Variants in KIF26B observed in about 807,000 individuals in gnomAD.
KIF26B encodes kinesin-like protein KIF26B.
A neutral mutation model predicts 151.2 loss-of-function variants in KIF26B; 63 were observed. The ratio of observed to expected loss-of-function variants is 0.42; its 90% CI spans 0.34 to 0.51. The LOEUF (loss-of-function observed/expected upper bound fraction) is 0.51, where lower values mean the gene tolerates loss of function less well. Among genes scored for constraint, KIF26B ranks in the 20% least tolerant of loss-of-function variants. The pLI is 0.07. For synonymous variants in KIF26B, 1,357 were observed against 1,262.1 expected (o/e 1.08, Z -1.59); for missense variants, 2,813 against 2,913.6 (o/e 0.97, Z 0.79).
intron 5 of KIF26B, among the ~76,000 whole-genome samples, chr1:245,557,314 C>A (rs1267721805): frequency 6.6e-6 from 1 of 152,198 alleles, no homozygotes; most frequent in Non-Finnish European, 1.5e-5. Context: ...TCATCCAGAT[C>A]TCTTTGCGGA....
intron 4 of KIF26B, among the ~76,000 whole-genome samples, chr1:245,504,600 C>T (rs1305889332): frequency 2.0e-5 from 3 of 152,120 alleles, no homozygotes; most frequent in South Asian, 4.2e-4. Context: ...CCACCACTCC[C>T]AGCTAGTTTT....
At chr1:245,691,068 G>C (rs1283072741) in intron 12 of KIF26B, among the ~76,000 whole-genome samples, 2 of 152,230 alleles carry the variant, frequency 1.3e-5, no homozygotes, top group East Asian at 3.8e-4. Flanking sequence ...GTGTGTTTCA[G>C]TGTCCCACAG....
At chr1:245,312,670 G>C (rs1432038478) in intron 2 of KIF26B, among the ~76,000 whole-genome samples, 1 of 152,164 alleles carries the variant, frequency 6.6e-6, no homozygotes, top group Non-Finnish European at 1.5e-5. Context: ...ATGGAAAAAA[G>C]TAGGTCTCAG....
At chr1:245,216,652 G>A (rs1051539338) in intron 2 of KIF26B, among the ~76,000 whole-genome samples, 4 of 152,110 alleles carry the variant, frequency 2.6e-5, no homozygotes, top group Non-Finnish European at 5.9e-5. Flanking sequence ...ATCATCTCTG[G>A]GTTTTAAATG....
chr1:245,659,473 T>C (rs527980013), intron 10 of KIF26B, among the ~76,000 whole-genome samples: 2 of 152,310 alleles, frequency 1.3e-5, no homozygotes, highest in African/African-American at 4.8e-5. Context: ...TTTTGTGGTA[T>C]TGTCACCTGT....
chr1:245,462,432 G>A (rs1019662386), intron 4 of KIF26B, among the ~76,000 whole-genome samples: 3 of 152,168 alleles, frequency 2.0e-5, no homozygotes, highest in East Asian at 3.9e-4. Context: ...ACTTCCTAGC[G>A]CATTTAGACT....
At chr1:245,270,183 CATTCCTTCTTCTTTTCCCTTCCCTTTCTT>C (rs879634818) in intron 2 of KIF26B, among the ~76,000 whole-genome samples, 1,270 of 111,912 alleles carry the variant, frequency 0.011, 12 homozygotes, top group East Asian at 0.024. Flanking sequence ...TCTTCCCTTC[CATTCCTTCTTCTTTTCCCTTCCCTTTCTT>C]CTTCCCTTCC....
At chr1:245,477,778 C>T (rs74154405) in intron 4 of KIF26B, among the ~76,000 whole-genome samples, 12 of 151,744 alleles carry the variant, frequency 7.9e-5, no homozygotes, top group Non-Finnish European at 1.5e-4. Flanking sequence ...CAGAGCAAGT[C>T]GGGGAAGTCT....
At chr1:245,356,209 GCAA>G (rs1240636045) in intron 2 of KIF26B, among the ~76,000 whole-genome samples, 1 of 151,956 alleles carries the variant, frequency 6.6e-6, no homozygotes, top group Non-Finnish European at 1.5e-5. Flanking sequence ...GCAGAAACAA[GCAA>G]AAAAACACAA....
chr1:245,157,434 A>C (rs1250767342), intron 2 of KIF26B, among the ~76,000 whole-genome samples: 1 of 152,256 alleles, frequency 6.6e-6, no homozygotes, highest in Non-Finnish European at 1.5e-5. Flanking sequence ...AGCAATATCA[A>C]GGAAATAGAG....
intron 10 of KIF26B, among the ~76,000 whole-genome samples, chr1:245,670,746 ATATC>A (rs2044276908): frequency 6.6e-6 from 1 of 152,194 alleles, no homozygotes; most frequent in South Asian, 2.1e-4. Context: ...GTAGGTGAAT[ATATC>A]TATGGGATCC....
intron 10 of KIF26B, among the ~76,000 whole-genome samples, chr1:245,662,734 TGC>T (rs368941689): frequency 0.17 from 6,966 of 41,870 alleles, 654 homozygotes; most frequent in East Asian, 0.24. Flanking sequence ...ACACCCAATA[TGC>T]ATATATACCC....
chr1:245,692,854 A>G (rs1432286682), intron 12 of KIF26B, among the ~76,000 whole-genome samples: 1 of 152,020 alleles, frequency 6.6e-6, no homozygotes, highest in Non-Finnish European at 1.5e-5. Flanking sequence ...CAGCCCCTCT[A>G]TGGTCAGCAA....
intron 9 of KIF26B, among the ~76,000 whole-genome samples, chr1:245,620,642 T>G (rs1303741908): frequency 1.3e-5 from 2 of 152,174 alleles, no homozygotes; most frequent in Non-Finnish European, 2.9e-5. Context: ...GCTCAGGCGA[T>G]CCACCTGCCT....
chr1:245,684,078 C>T (rs1232915348), intron 10 of KIF26B, among the ~76,000 whole-genome samples, 155 bp from the exon 11 acceptor site: 1 of 152,200 alleles, frequency 6.6e-6, no homozygotes, highest in Non-Finnish European at 1.5e-5. Context: ...TACAAATAGC[C>T]CCATGCTGGA....
chr1:245,369,975 A>C (rs1378532445), intron 3 of KIF26B, among the ~76,000 whole-genome samples: 1 of 152,238 alleles, frequency 6.6e-6, no homozygotes, highest in African/African-American at 2.4e-5. Flanking sequence ...GCTTCTTTGC[A>C]TCATGGGATA....
intron 6 of KIF26B, among the ~76,000 whole-genome samples, chr1:245,605,871 G>A (rs980816762): frequency 2.7e-4 from 41 of 152,280 alleles, no homozygotes; most frequent in African/African-American, 7.7e-4. Flanking sequence ...CCTCTGCACG[G>A]GTGACTCAGT....
At chr1:245,450,607 C>A (rs1659367178) in intron 4 of KIF26B, among the ~76,000 whole-genome samples, 1 of 152,212 alleles carries the variant, frequency 6.6e-6, no homozygotes, top group Non-Finnish European at 1.5e-5. Flanking sequence ...AATTCCATTT[C>A]ATTGTGACTT....
At chr1:245,439,776 T>A (rs1360722151) in intron 4 of KIF26B, among the ~76,000 whole-genome samples, 13 of 152,218 alleles carry the variant, frequency 8.5e-5, no homozygotes, top group Admixed American at 7.9e-4. Flanking sequence ...ATGTAAGGAC[T>A]TTGTTGCCAG....
Sources: gnomAD v4.1 joint callset for allele counts (sites outside exome capture counted in the v4.1 genomes callset) on GRCh38, gnomAD v4.1.1 for gene constraint, MANE v1.5 for transcripts, NCBI Gene and HGNC (gene_info 2026-07-23, HGNC 2026-07-21) for gene names.